The following SGCD variants were observed in gnomAD, a reference collection of about 807,000 sequenced individuals.
SGCD encodes the protein sarcoglycan delta.
In SGCD, 18 loss-of-function variants were observed where a neutral mutation model predicts 36.6. The ratio of observed to expected loss-of-function variants is 0.49; its 90% CI spans 0.34 to 0.73. The LOEUF is 0.73. Among genes scored for constraint, SGCD ranks in the 30% least tolerant of loss-of-function variants. The pLI is 0.01. For missense variants in SGCD, 387 were observed against 346.7 expected (o/e 1.12, Z -0.92); for synonymous variants, 133 against 130.6 (o/e 1.02, Z -0.12).
intron 1 of SGCD, among the ~76,000 whole-genome samples, chr5:155,877,278 T>C (rs1755786778): frequency 6.6e-6 from 1 of 152,128 alleles, no homozygotes; most frequent in Non-Finnish European, 1.5e-5. Flanking sequence ...TTAGACTGAA[T>C]TCCCAGGCAT....
intron 1 of SGCD, among the ~76,000 whole-genome samples, chr5:155,903,375 T>C (rs1756430288): frequency 6.6e-6 from 1 of 152,208 alleles, no homozygotes; most frequent in African/African-American, 2.4e-5. Context: ...GATTTTTTTG[T>C]TGTTGTTGCT....
the SGCD span, among the ~76,000 whole-genome samples, chr5:155,748,534 G>A: frequency 6.6e-6 from 1 of 152,036 alleles, no homozygotes; most frequent in Non-Finnish European, 1.5e-5. Flanking sequence ...ACTCCTAGAG[G>A]TCTCACTCAG....
chr5:156,242,748 C>G (rs1765336323), intron 3 of SGCD, among the ~76,000 whole-genome samples: 1 of 152,144 alleles, frequency 6.6e-6, no homozygotes, highest in African/African-American at 2.4e-5. Context: ...TGCAGGGTGC[C>G]AGAATTGAGG....
chr5:155,758,414 A>G, the SGCD span, among the ~76,000 whole-genome samples: 261 of 152,318 alleles, frequency 1.7e-3, 2 homozygotes, highest in South Asian at 4.8e-3. Flanking sequence ...TGAAGTCATC[A>G]ATACTTTTAT....
At chr5:156,550,337 G>T (rs1255822013) in intron 4 of SGCD, among the ~76,000 whole-genome samples, 2 of 152,190 alleles carry the variant, frequency 1.3e-5, no homozygotes, top group African/African-American at 2.4e-5. Context: ...TATAAGAAGG[G>T]CTTTCTTTTC....
intron 3 of SGCD, among the ~76,000 whole-genome samples, chr5:156,238,630 A>G (rs1244506753): frequency 6.6e-6 from 1 of 152,192 alleles, no homozygotes; most frequent in African/African-American, 2.4e-5. Context: ...TTAAATTTGA[A>G]TAGCCACATG....
At chr5:155,962,745 A>G (rs999356737) in intron 1 of SGCD, among the ~76,000 whole-genome samples, 2 of 152,038 alleles carry the variant, frequency 1.3e-5, no homozygotes, top group Admixed American at 1.3e-4. Flanking sequence ...ACAAAACTAT[A>G]CTAAGTGGCA....
chr5:156,553,889 G>T (rs1478115156), intron 4 of SGCD, among the ~76,000 whole-genome samples: 1 of 152,130 alleles, frequency 6.6e-6, no homozygotes, highest in Non-Finnish European at 1.5e-5. Flanking sequence ...CCTGCTTTTT[G>T]ACTATTATGA....
intron 3 of SGCD, among the ~76,000 whole-genome samples, chr5:156,311,004 A>G (rs1767376371): frequency 6.6e-6 from 1 of 152,192 alleles, no homozygotes; most frequent in Non-Finnish European, 1.5e-5. Context: ...AAAAATTTCT[A>G]GTTAGAGGGA....
At chr5:156,672,989 C>T (rs73301195) in intron 7 of SGCD, among the ~76,000 whole-genome samples, 3,595 of 152,298 alleles carry the variant, frequency 0.024, 149 homozygotes, top group African/African-American at 0.082. Flanking sequence ...CCTAGGCTCA[C>T]TGTACTTCCC....
intron 7 of SGCD, among the ~76,000 whole-genome samples, chr5:156,689,968 T>C (rs1754049300): frequency 6.6e-6 from 1 of 152,238 alleles, no homozygotes; most frequent in South Asian, 2.1e-4. Flanking sequence ...GATATCTTGG[T>C]AAATAATTCT....
intron 3 of SGCD, among the ~76,000 whole-genome samples, chr5:156,256,796 G>A (rs546654491): frequency 1.3e-5 from 2 of 152,178 alleles, no homozygotes; most frequent in African/African-American, 2.4e-5. Context: ...AGGTTCTCAA[G>A]GTCAAAATTA....
chr5:156,604,208 C>T (rs1761321941), intron 6 of SGCD, among the ~76,000 whole-genome samples: 1 of 151,820 alleles, frequency 6.6e-6, no homozygotes, highest in South Asian at 2.1e-4. Flanking sequence ...ATAAGTATGG[C>T]TACTCCTGCT....
intron 6 of SGCD, among the ~76,000 whole-genome samples, chr5:156,641,585 A>G (rs75599360): frequency 0.028 from 4,226 of 152,270 alleles, 186 homozygotes; most frequent in African/African-American, 0.096. Context: ...AGCTTCCTTT[A>G]TTAAGTAAAG....
chr5:156,426,681 A>T (rs935754456), intron 3 of SGCD, among the ~76,000 whole-genome samples: 1 of 152,050 alleles, frequency 6.6e-6, no homozygotes, highest in South Asian at 2.1e-4. Flanking sequence ...CTTGAAGAAC[A>T]TTTATGGTTT....
Position 156,677,714 on chromosome 5 carries a change from A to C in SGCD, c.575+30178A>C, listed in dbSNP as rs180940810. Among the ~76,000 whole-genome samples, 331 of 152,256 alleles carry C rather than the reference A, an allele frequency of 2.2e-3. 1 individual carries two copies. The highest frequency in any genetic ancestry group is 0.017 in the Middle Eastern group (5 of 294). On this transcript the variant is annotated intron_variant, in intron 7 of 8. Transcript: ENST00000337851. ...ATAAAAAAAAAAGAGTCTGGTGGAG[A>C]AAATTTTATATTTGCCTGACATTAG...
chr5:156,643,040 G>GTTT (rs11407627), intron 6 of SGCD, among the ~76,000 whole-genome samples: 1 of 141,206 alleles, frequency 7.1e-6, no homozygotes, highest in Non-Finnish European at 1.5e-5. Flanking sequence ...TTTTTTGTTT[G>GTTT]TTTTTTTTTG....
At chr5:156,553,869 T>C (rs928621992) in intron 4 of SGCD, among the ~76,000 whole-genome samples, 1 of 152,218 alleles carries the variant, frequency 6.6e-6, no homozygotes. Context: ...TGATGGACAT[T>C]TGAGTTGTTC....
chr5:156,131,675 T>C (rs11748176), intron 3 of SGCD, among the ~76,000 whole-genome samples: 20,257 of 152,224 alleles, frequency 0.13, 1,811 homozygotes, highest in Middle Eastern at 0.28. Flanking sequence ...TGGAATGAAG[T>C]GGACCCTGTT....
Sources: allele counts gnomAD v4.1 joint callset (sites outside exome capture counted in the v4.1 genomes callset), GRCh38; gene constraint gnomAD v4.1.1; transcripts MANE v1.5; gene names NCBI Gene and HGNC (gene_info 2026-07-23, HGNC 2026-07-21).